Variants in NRG3 observed in about 807,000 individuals in gnomAD.
NRG3 encodes pro-neuregulin-3, membrane-bound isoform.
NRG3 carries 31 observed loss-of-function variants against 66.9 expected under a neutral mutation model. The ratio of observed to expected loss-of-function variants is 0.46; its 90% CI spans 0.35 to 0.63. The LOEUF (loss-of-function observed/expected upper bound fraction) is 0.63, where lower values mean the gene tolerates loss of function less well. Among genes scored for constraint, NRG3 ranks in the 20% least tolerant of loss-of-function variants. The pLI is 0.00. For synonymous variants in NRG3, 393 were observed against 359.4 expected, an observed-to-expected ratio of 1.09 and a Z score of -1.06; for missense variants, 910 against 878.9, an observed-to-expected ratio of 1.04 and a Z score of -0.45.
At chr10:82,694,531 G>A (rs776709533) in intron 2 of NRG3, among the ~76,000 whole-genome samples, 1 of 152,120 alleles carries the variant, frequency 6.6e-6, no homozygotes, top group Non-Finnish European at 1.5e-5. Context: ...AAGGCCAGCA[G>A]ATTGTTTGAG....
intron 1 of NRG3, among the ~76,000 whole-genome samples, chr10:82,171,080 A>G (rs983420643): frequency 2.0e-5 from 3 of 151,378 alleles, no homozygotes; most frequent in Non-Finnish European, 4.4e-5. Context: ...ATTTTCTTTC[A>G]TTTTCTTTTC....
intron 2 of NRG3, among the ~76,000 whole-genome samples, chr10:82,494,017 T>C: frequency 6.6e-6 from 1 of 152,080 alleles, no homozygotes; most frequent in East Asian, 1.9e-4. Context: ...ATTAGAGAAA[T>C]GCAAATCAAA....
intron 2 of NRG3, among the ~76,000 whole-genome samples, chr10:82,727,446 C>A (rs150188127): frequency 0.019 from 2,922 of 152,334 alleles, 100 homozygotes; most frequent in African/African-American, 0.066. Flanking sequence ...AGGTACAGCT[C>A]AGGCCATGGC....
chr10:82,265,790 G>A (rs537089165), intron 1 of NRG3, among the ~76,000 whole-genome samples: 17 of 152,110 alleles, frequency 1.1e-4, no homozygotes, highest in Non-Finnish European at 2.2e-4. Context: ...GACTGTAAAT[G>A]ATGGAAACCA....
chr10:82,608,696 G>T (rs1252755151), intron 2 of NRG3, among the ~76,000 whole-genome samples: 1 of 152,080 alleles, frequency 6.6e-6, no homozygotes, highest in Admixed American at 6.6e-5. Context: ...AAGAAGGCTG[G>T]AGGGAGCTGG....
intron 1 of NRG3, among the ~76,000 whole-genome samples, chr10:82,313,369 T>A (rs1247992954): frequency 6.6e-6 from 1 of 151,748 alleles, no homozygotes; most frequent in Non-Finnish European, 1.5e-5. Context: ...AAAAAATAAA[T>A]AAATAAAATA....
intron 1 of NRG3, among the ~76,000 whole-genome samples, chr10:81,921,475 GTCTTT>G (rs1198117077): frequency 1.3e-5 from 2 of 151,992 alleles, no homozygotes; most frequent in South Asian, 2.1e-4. Flanking sequence ...AAACCTCTTA[GTCTTT>G]TCTTTTATGG....
chr10:82,278,160 A>C (rs992204159), intron 1 of NRG3, among the ~76,000 whole-genome samples: 1 of 152,094 alleles, frequency 6.6e-6, no homozygotes, highest in African/African-American at 2.4e-5. Context: ...TTTACACTAA[A>C]ATTAGCTAAA....
intron 2 of NRG3, among the ~76,000 whole-genome samples, chr10:82,407,698 G>T (rs990263801): frequency 6.6e-6 from 1 of 152,050 alleles, no homozygotes; most frequent in African/African-American, 2.4e-5. Flanking sequence ...ACTCTGCCAG[G>T]CAATCTGAAT....
chr10:82,408,046 C>CGAGAGAGAGAGAGAGAGA (rs536927208), intron 2 of NRG3, among the ~76,000 whole-genome samples: 1 of 54,370 alleles, frequency 1.8e-5, no homozygotes, highest in African/African-American at 8.4e-5. Flanking sequence ...AAGACTACAT[C>CGAGAGAGAGAGAGAGAGA]GAGAGAGAGA....
Position 82,365,288 on chromosome 10 carries a change from C to T in NRG3, c.953+6420C>T, listed in dbSNP as rs1426792386. On this transcript the variant is annotated intron_variant, in intron 2 of 8. Transcript: ENST00000372141. ...CAGGAGGGAATGAAGGCTAAAATAT[C>T]TATAAATCCAGGCCAGGCTGCAGAG... 2.0e-5 allele frequency among the ~76,000 whole-genome samples: 3 copies of T among 152,310 alleles called. No homozygotes were observed. In the East Asian group the frequency reaches 5.8e-4, roughly 29 times the overall value.
In NRG3 at chr10:82,535,797, C is replaced by G. The variant is rs17100174; in HGVS notation, c.953+176929C>G. Among the ~76,000 whole-genome samples, 3,565 of 152,186 alleles carry G rather than the reference C, an allele frequency of 0.023. 235 individuals carry two copies. In the East Asian group the frequency reaches 0.26, roughly 11 times the overall value. Reference sequence around the variant, plus strand: ...TTAACATACTGCTTGATACAAGTTGCCTGCACATTTTCCTTTAAGTAATGG... The same window carrying G: ...TTAACATACTGCTTGATACAAGTTGGCTGCACATTTTCCTTTAAGTAATGG... On this transcript the variant is annotated intron_variant, in intron 2 of 8. Transcript: ENST00000372141.
rs139134071 is a variant in NRG3, at chr10:82,194,815, C to T, written c.824-163924C>T. ...TATAAGGGCATTTCCTCTAGAAGGC[C>T]GCTTGCGAAAGACCTCGTATCAAGA... On this transcript the variant is annotated intron_variant, in intron 1 of 8. Coordinates refer to ENST00000372141, the MANE Select transcript of NRG3 (RefSeq NM_001010848.4). Among the ~76,000 whole-genome samples, 159 of 152,176 alleles carry T rather than the reference C, an allele frequency of 1.0e-3. 1 individual carries two copies. The highest frequency in any genetic ancestry group is 3.4e-3 in the Middle Eastern group (1 of 294).
intron 1 of NRG3, among the ~76,000 whole-genome samples, chr10:82,176,620 G>C (rs549193073): frequency 6.6e-6 from 1 of 152,194 alleles, no homozygotes; most frequent in South Asian, 2.1e-4. Context: ...TTTGGTTTGG[G>C]TTGAATGCTG....
intron 3 of NRG3, among the ~76,000 whole-genome samples, chr10:82,815,689 A>C (rs2061676673): frequency 6.6e-6 from 1 of 152,054 alleles, no homozygotes; most frequent in Non-Finnish European, 1.5e-5. Context: ...TTCAGCTGGA[A>C]ACCTCTGTGT....
At chr10:82,310,964 CA>C in intron 1 of NRG3, among the ~76,000 whole-genome samples, 1 of 152,162 alleles carries the variant, frequency 6.6e-6, no homozygotes, top group East Asian at 1.9e-4. Flanking sequence ...AAGATTGAGG[CA>C]AATGAGAGTG....
intron 1 of NRG3, among the ~76,000 whole-genome samples, chr10:82,004,312 G>A (rs1043232422): frequency 6.6e-6 from 1 of 152,022 alleles, no homozygotes; most frequent in African/African-American, 2.4e-5. Context: ...AAAATTTGAA[G>A]GCCATCAAAC....
intron 3 of NRG3, among the ~76,000 whole-genome samples, chr10:82,820,580 T>G (rs947687593): frequency 2.6e-5 from 4 of 152,216 alleles, no homozygotes; most frequent in African/African-American, 9.6e-5. Flanking sequence ...CCTCAACTTT[T>G]TATTAATCAA....
intron 2 of NRG3, among the ~76,000 whole-genome samples, chr10:82,580,913 G>C (rs1327341466): frequency 1.3e-5 from 2 of 150,810 alleles, no homozygotes; most frequent in African/African-American, 2.4e-5. Flanking sequence ...GTGTGTGTGT[G>C]TGTGTGTGTG....
Sources: gnomAD v4.1 joint callset for allele counts (sites outside exome capture counted in the v4.1 genomes callset) on GRCh38, gnomAD v4.1.1 for gene constraint, MANE v1.5 for transcripts, NCBI Gene and HGNC (gene_info 2026-07-23, HGNC 2026-07-21) for gene names.